The following CDH4 variants were observed in gnomAD, a reference collection of about 807,000 sequenced individuals.
CDH4 encodes the protein cadherin-4.
CDH4 carries 33 observed loss-of-function variants against 86.0 expected under a neutral mutation model. The observed-to-expected ratio is 0.38, with a 90% CI of 0.29 to 0.51. The LOEUF is 0.51. Among genes scored for constraint, CDH4 ranks in the 20% least tolerant of loss-of-function variants. The probability of loss-of-function intolerance (pLI) is 0.86; values close to 1 mark genes in which losing one functional copy is unlikely to be tolerated. For missense variants in CDH4, 1,114 were observed against 1,307.4 expected (o/e 0.85, Z 2.28); for synonymous variants, 555 against 549.4 (o/e 1.01, Z -0.14).
intron 2 of CDH4, among the ~76,000 whole-genome samples, chr20:61,573,454 A>G (rs1432606736): frequency 6.6e-6 from 1 of 152,218 alleles, no homozygotes; most frequent in Non-Finnish European, 1.5e-5. Context: ...CTGTTGCTAT[A>G]ATTAGACCAC....
At chr20:61,798,617 G>A (rs534214587) in intron 4 of CDH4, among the ~76,000 whole-genome samples, 11 of 152,344 alleles carry the variant, frequency 7.2e-5, no homozygotes, top group South Asian at 2.1e-4. Flanking sequence ...CCTCGGCCAG[G>A]CCCCTTGCTC....
intron 4 of CDH4, among the ~76,000 whole-genome samples, chr20:61,794,647 G>C (rs1287315424): frequency 6.6e-6 from 1 of 152,212 alleles, no homozygotes; most frequent in Non-Finnish European, 1.5e-5. Context: ...TGCTACAATA[G>C]CACATCCTTG....
intron 2 of CDH4, among the ~76,000 whole-genome samples, chr20:61,300,569 G>A (rs2084380889): frequency 3.3e-5 from 5 of 152,106 alleles, no homozygotes; most frequent in South Asian, 4.1e-4. Flanking sequence ...TGCTGTCTTC[G>A]CTTCTTCGGC....
At chr20:61,874,224 G>A (rs1983924967) in intron 7 of CDH4, among the ~76,000 whole-genome samples, 1 of 152,142 alleles carries the variant, frequency 6.6e-6, no homozygotes, top group Admixed American at 6.5e-5. Flanking sequence ...GGGGTGCTCT[G>A]ACAGCCCCTC....
At chr20:61,593,257 A>T (rs2086531209) in intron 2 of CDH4, among the ~76,000 whole-genome samples, 1 of 152,236 alleles carries the variant, frequency 6.6e-6, no homozygotes. Flanking sequence ...TGATGCACAC[A>T]GGGTGTCCTC....
chr20:61,567,610 C>T (rs2086309660), intron 2 of CDH4, among the ~76,000 whole-genome samples: 1 of 152,218 alleles, frequency 6.6e-6, no homozygotes, highest in Non-Finnish European at 1.5e-5. Flanking sequence ...AACATTTAGC[C>T]ATAGCATCAA....
intron 3 of CDH4, among the ~76,000 whole-genome samples, chr20:61,750,167 GAGAAAACAATGAAAC>G (rs1447965646): frequency 6.6e-6 from 1 of 152,126 alleles, no homozygotes. Context: ...AAAACAGGAG[GAGAAAACAATGAAAC>G]AGAAAACAAT....
At chr20:61,860,649 G>C (rs1983281513) in intron 6 of CDH4, among the ~76,000 whole-genome samples, 1 of 152,164 alleles carries the variant, frequency 6.6e-6, no homozygotes, top group Admixed American at 6.5e-5. Flanking sequence ...TTCTGTGCAG[G>C]GCCCCAGCAG....
intron 9 of CDH4, among the ~76,000 whole-genome samples, chr20:61,915,544 T>C (rs2054895326): frequency 6.6e-6 from 1 of 152,156 alleles, no homozygotes; most frequent in South Asian, 2.1e-4. Flanking sequence ...CCAAGTCCTA[T>C]AATGGGAAGC....
chr20:61,874,462 G>C (rs988452317), intron 7 of CDH4, among the ~76,000 whole-genome samples: 1 of 152,192 alleles, frequency 6.6e-6, no homozygotes. Flanking sequence ...GGTCCTACGA[G>C]GCTTTTGTGA....
At chr20:61,575,498 A>C (rs2086376428) in intron 2 of CDH4, among the ~76,000 whole-genome samples, 1 of 152,220 alleles carries the variant, frequency 6.6e-6, no homozygotes, top group African/African-American at 2.4e-5. Context: ...GTGGAGTTTA[A>C]ATCTCTTCGT....
chr20:61,479,414 A>G (rs1321339285), intron 2 of CDH4, among the ~76,000 whole-genome samples: 2 of 145,188 alleles, frequency 1.4e-5, no homozygotes, highest in African/African-American at 5.2e-5. Context: ...ATGTGTTCTC[A>G]TTGTTCAATT....
rs1234901307 is a variant in CDH4, at chr20:61,940,423, A to G, written c.*3480A>G. On this transcript the variant is annotated 3_prime_UTR_variant, in exon 16 of 16. Coordinates refer to ENST00000614565, the MANE Select transcript of CDH4 (RefSeq NM_001794.5). ...TTTTGTAATCGTCAACAGCACAACT[A>G]TTTTGTATTGTTGTTTGTATCATTT... is the stretch of plus-strand genomic sequence containing the variant. 6.6e-6 allele frequency: 1 copy of G among 150,966 alleles called. No homozygotes were observed. Among genetic ancestry groups the G allele is most frequent in the Admixed American group, 6.6e-5 (1 of 15,124 alleles). The allele number at this position is 150,966 out of a possible 1,614,324, so 9.4% of individuals were successfully genotyped here. A position where few individuals can be genotyped will look rare whatever the true frequency, so the allele number is the denominator to read the frequency against.
Position 61,518,820 on chromosome 20 carries a change from A to G in CDH4, c.170-224743A>G, listed in dbSNP as rs1238018410. Among the ~76,000 whole-genome samples the G allele has an allele frequency of 6.6e-6, 1 of 151,664 alleles. No homozygotes were observed. The highest frequency in any genetic ancestry group is 2.4e-5 in the African/African-American group (1 of 41,246). Reference sequence around the variant, plus strand: ...TCATCCATCCACCCATCATCCATCCATTAATCCATCATTCATCCATTCATC... The same window carrying G: ...TCATCCATCCACCCATCATCCATCCGTTAATCCATCATTCATCCATTCATC... On this transcript the variant is annotated intron_variant, in intron 2 of 15. Coordinates refer to ENST00000614565, the MANE Select transcript of CDH4 (RefSeq NM_001794.5). The surrounding 1 kb of genome is among the most constrained non-coding windows in gnomAD (Gnocchi z 6.3).
At chr20:61,274,047 C>A (rs1225369857) in intron 2 of CDH4, among the ~76,000 whole-genome samples, 1 of 121,354 alleles carries the variant, frequency 8.2e-6, no homozygotes, top group South Asian at 2.8e-4. Context: ...TGGGGGAGTA[C>A]CATGTGTAGT....
At chr20:61,674,868 C>G (rs937589707) in intron 2 of CDH4, among the ~76,000 whole-genome samples, 6 of 152,156 alleles carry the variant, frequency 3.9e-5, no homozygotes, top group African/African-American at 1.2e-4. Flanking sequence ...AAGTCTGGCC[C>G]CCTGCCTATT....
At chr20:61,320,496 C>T (rs955974679) in intron 2 of CDH4, among the ~76,000 whole-genome samples, 1 of 151,952 alleles carries the variant, frequency 6.6e-6, no homozygotes, top group Admixed American at 6.5e-5. Flanking sequence ...TCAGCCACTA[C>T]CATGAAATGT....
At chr20:61,672,075 T>TGGTGGGTG (rs145983859) in intron 2 of CDH4, among the ~76,000 whole-genome samples, 2 of 15,770 alleles carry the variant, frequency 1.3e-4, no homozygotes, top group African/African-American at 2.9e-4. Context: ...ATGAGTGGAT[T>TGGTGGGTG]GGTGGGTGGG....
intron 2 of CDH4, among the ~76,000 whole-genome samples, chr20:61,400,721 C>G (rs974305459): frequency 6.6e-6 from 1 of 152,124 alleles, no homozygotes; most frequent in African/African-American, 2.4e-5. Context: ...TTCTCTGGGT[C>G]CCTTGGTGGG....
Sources: gnomAD v4.1 joint callset for allele counts (sites outside exome capture counted in the v4.1 genomes callset) on GRCh38, gnomAD v4.1.1 for gene constraint, Gnocchi (gnomAD v3.1) non-coding constraint, MANE v1.5 for transcripts, NCBI Gene and HGNC (gene_info 2026-07-23, HGNC 2026-07-21) for gene names.